Variants in TTC21A observed in about 807,000 individuals in gnomAD.
The protein encoded by TTC21A is tetratricopeptide repeat domain 21A.
In TTC21A, 128 loss-of-function variants were observed where a neutral mutation model predicts 156.4. The ratio of observed to expected loss-of-function variants is 0.82; its 90% CI spans 0.71 to 0.95. TTC21A has a LOEUF of 0.95. Ranked by LOEUF, TTC21A falls within the 40% of genes least tolerant of loss-of-function variation. The pLI, the probability that TTC21A is intolerant of heterozygous loss-of-function variation, is 0.00. For synonymous variants in TTC21A, 587 were observed against 617.1 expected, an observed-to-expected ratio of 0.95 and a Z score of 0.72; for missense variants, 1,435 against 1,602.3, an observed-to-expected ratio of 0.90 and a Z score of 1.78.
At chr3:39,128,598 T>G (rs775690104) in intron 13 of TTC21A, 110 bp downstream of exon 13, 17 of 1,569,858 alleles carry the variant, frequency 1.1e-5, no homozygotes, top group Admixed American at 3.5e-5. Flanking sequence ...ATCTTTCTGC[T>G]CGTCCAAAGG....
chr3:39,108,792 C>T (rs1018539094), intron 1 of TTC21A, among the ~76,000 whole-genome samples: 2 of 152,206 alleles, frequency 1.3e-5, no homozygotes, highest in Non-Finnish European at 2.9e-5. Context: ...TTTTTCCCCC[C>T]TTATTCCCTT....
chr3:39,130,566 C>A lies in TTC21A; in HGVS notation c.2320-135C>A. 8.3e-7 allele frequency: 1 copy of A among 1,201,522 alleles called. No homozygotes were observed. Among genetic ancestry groups the A allele is most frequent in the Non-Finnish European group, 1.2e-6 (1 of 845,180 alleles). 74.4% of individuals were successfully genotyped at this position (1,201,522 alleles called of 1,614,324 possible). A position where few individuals can be genotyped will look rare whatever the true frequency, so the allele number is the denominator to read the frequency against. On this transcript the variant is annotated intron_variant, in intron 17 of 28. Transcript: ENST00000683103. This position sits in a 1 kb window ranked among gnomAD's most constrained non-coding sequence, Gnocchi z 4.5. ...AGCTGAGGGTTACACCCTGTGCCAG[C>A]TGGGAGGAGTGCCTTTTCACTTTAG...
intron 11 of TTC21A, among the ~76,000 whole-genome samples, chr3:39,125,781 A>G (rs2038180307): frequency 6.6e-6 from 1 of 152,324 alleles, no homozygotes; most frequent in East Asian, 1.9e-4. Context: ...CAGGCTCCCA[A>G]GTGATATGGA....
intron 4 of TTC21A, 52 bp downstream of exon 4, chr3:39,111,069 A>G (rs2036785073): frequency 1.9e-6 from 3 of 1,550,364 alleles, no homozygotes; most frequent in South Asian, 2.4e-5. Flanking sequence ...ATCCAAACAC[A>G]TAATAGCAGG....
chr3:39,130,092 C>G lies in TTC21A; in HGVS notation c.2149C>G (p.His717Asp). Residue 717 changes from histidine (H) to aspartate (D), a missense_variant, in exon 16 of 29, where the codon CAT becomes GAT. His to Asp is a moderately conservative substitution (Grantham distance 81). Coordinates refer to ENST00000683103, the MANE Select transcript of TTC21A (RefSeq NM_001366900.1). The surrounding 1 kb of genome is among the most constrained non-coding windows in gnomAD (Gnocchi z 4.5). ...TCTTGCTTGCAGTGAGCTCTGTGAA[C>G]ATCTGCCTGGCCCCCACACCAGCCT... ...YIRCYRELCE[H>D]LPGPHTSLLL... 1 of 1,614,104 alleles carries G rather than the reference C, an allele frequency of 6.2e-7. No homozygotes were observed. Among genetic ancestry groups the G allele is most frequent in the Non-Finnish European group, 8.5e-7 (1 of 1,180,014 alleles).
Position 39,136,443 on chromosome 3 carries a change from A to G in TTC21A, c.3031A>G (p.Lys1011Glu). ...CATTCCTGCCTTCTTTGAATTGGCC[A>G]AGAAGGTGTCTAGCCGGGTGCCTTT... is the stretch of plus-strand genomic sequence containing the variant. ...EDIPAFFELAKKVSSRVPLEP... is the reference protein window; with the variant it reads ...EDIPAFFELAEKVSSRVPLEP... Residue 1011 changes from lysine (K) to glutamate (E), a missense_variant, in exon 23 of 29, where the codon AAG becomes GAG. Lys to Glu is a moderately conservative substitution (Grantham distance 56, BLOSUM62 1). Transcript: ENST00000683103. 2 of 1,614,262 alleles carry G rather than the reference A, an allele frequency of 1.2e-6. No homozygotes were observed. Among genetic ancestry groups the G allele is most frequent in the African/African-American group, 2.7e-5 (2 of 75,080 alleles).
rs552380243 is a variant in TTC21A at position 39,122,899 on chromosome 3, A to G, written c.1093+1710A>G. On this transcript the variant is annotated intron_variant, in intron 9 of 28. Coordinates refer to ENST00000683103, the MANE Select transcript of TTC21A (RefSeq NM_001366900.1). ...CCCAGTCCAAGCTGAGCCCACCTGT[A>G]TGTCCTGGAGTCACCATATTTTCTG... Among the ~76,000 whole-genome samples, 330 of 152,326 alleles carry G rather than the reference A, an allele frequency of 2.2e-3. 1 individual carries two copies. Among genetic ancestry groups the G allele is most frequent in the African/African-American group, 7.5e-3 (312 of 41,570 alleles).
chr3:39,115,980 T>A (rs535951370), intron 6 of TTC21A, among the ~76,000 whole-genome samples: 5 of 152,386 alleles, frequency 3.3e-5, no homozygotes, highest in African/African-American at 9.6e-5. Context: ...ACACATGTAA[T>A]GCCTGTGTGG....
chr3:39,126,583 TAC>T (rs3033302), intron 12 of TTC21A, among the ~76,000 whole-genome samples, 193 bp downstream of exon 12: 71 of 135,398 alleles, frequency 5.2e-4, no homozygotes, highest in Non-Finnish European at 7.3e-4. Context: ...CCTGGGGTAC[TAC>T]ACACACACAC....
At chr3:39,121,937 C>T (rs2037802386) in intron 9 of TTC21A, among the ~76,000 whole-genome samples, 1 of 152,202 alleles carries the variant, frequency 6.6e-6, no homozygotes, top group African/African-American at 2.4e-5. Flanking sequence ...ACTTCTGGTT[C>T]AACATGTCAG....
intron 6 of TTC21A, among the ~76,000 whole-genome samples, chr3:39,115,671 AAAAT>A (rs1403550962): frequency 3.3e-5 from 5 of 152,220 alleles, no homozygotes; most frequent in African/African-American, 7.2e-5. Context: ...TGTCTCGAAA[AAAAT>A]AAATAAATAA....
At chr3:39,114,795 T>G in intron 6 of TTC21A, 53 bp downstream of exon 6, 6 of 1,597,006 alleles carry the variant, frequency 3.8e-6, no homozygotes, top group Non-Finnish European at 4.3e-6. Flanking sequence ...ATTTACCATC[T>G]TATAAGCTGG....
Position 39,131,068 on chromosome 3 carries a change from A to T in TTC21A, c.2535A>T (p.Lys845Asn). 1.9e-6 allele frequency: 3 copies of T among 1,611,632 alleles called. No individual in the cohort carries two copies. The highest frequency in any genetic ancestry group is 3.3e-4 in the Middle Eastern group (2 of 6,062). ...CAAAGGTTTACAAGAGCCATAAAAA[A>T]GAAGCTGTGATAGAAACTTTGAACA... ...LLAKVYKSHK[K>N]EAVIETLNKA... The change falls in exon 19 of 29, where the codon AAA (lysine) becomes AAT (asparagine). Residue 845 changes from lysine (K) to asparagine (N), a missense_variant. Transcript: ENST00000683103.
intron 4 of TTC21A, among the ~76,000 whole-genome samples, chr3:39,111,229 T>G (rs2036800117): frequency 6.6e-6 from 1 of 152,164 alleles, no homozygotes; most frequent in Admixed American, 6.5e-5. Context: ...AGTCTGATCT[T>G]TAGATAGATT....
chr3:39,119,769 T>A, intron 7 of TTC21A, 153 bp from the exon 8 acceptor site: 1 of 616,920 alleles, frequency 1.6e-6, no homozygotes, highest in Non-Finnish European at 2.9e-6. Flanking sequence ...ACCACTCCAA[T>A]TCACTTAAAT....
rs1365513661 is a variant in TTC21A at position 39,134,427 on chromosome 3, T to A, written c.2862+99T>A. The A allele has an allele frequency of 1.2e-6, 1 of 852,526 alleles. No individual in the cohort carries two copies. The highest frequency in any genetic ancestry group is 2.0e-6 in the Non-Finnish European group (1 of 488,902). 52.8% of individuals were successfully genotyped at this position (852,526 alleles called of 1,614,324 possible). A position where few individuals can be genotyped will look rare whatever the true frequency, so the allele number is the denominator to read the frequency against. The stretch of plus-strand genomic sequence containing the variant: ...TACTTCCTAGCCCCGTAACCTCAGA[T>A]GCCTCACTGACACACCTCTGAGGAG... On this transcript the variant is annotated intron_variant, in intron 21 of 28. Coordinates refer to ENST00000683103, the MANE Select transcript of TTC21A (RefSeq NM_001366900.1). The surrounding 1 kb of genome is among the most constrained non-coding windows in gnomAD (Gnocchi z 4.6).
At chr3:39,125,813 A>T (rs2038183869) in intron 11 of TTC21A, among the ~76,000 whole-genome samples, 2 of 152,180 alleles carry the variant, frequency 1.3e-5, no homozygotes, top group Admixed American at 1.3e-4. Context: ...TAGGGACCAC[A>T]CTTGGAAGAA....
chr3:39,124,139 C>T (rs1297180678), intron 9 of TTC21A, among the ~76,000 whole-genome samples: 1 of 152,088 alleles, frequency 6.6e-6, no homozygotes, highest in Admixed American at 6.6e-5. Context: ...ATCAGCTCTC[C>T]CTCAGGAATT....
chr3:39,114,040 C>G (rs1398270153), intron 5 of TTC21A, among the ~76,000 whole-genome samples: 1 of 152,136 alleles, frequency 6.6e-6, no homozygotes, highest in African/African-American at 2.4e-5. Flanking sequence ...TGAGGAGAAA[C>G]TGGTGGCTGG....
Sources: allele counts gnomAD v4.1 joint callset (sites outside exome capture counted in the v4.1 genomes callset), GRCh38; gene constraint gnomAD v4.1.1; non-coding constraint Gnocchi (gnomAD v3.1); transcripts MANE v1.5; gene names NCBI Gene and HGNC (gene_info 2026-07-23, HGNC 2026-07-21).